The following DIO1 variants were observed in gnomAD, a reference collection of about 807,000 sequenced individuals.
The protein encoded by DIO1 is type I iodothyronine deiodinase.
Under a neutral mutation model 25.9 loss-of-function variants are expected in DIO1, and 17 were observed. The observed-to-expected ratio is 0.66, with a 90% confidence interval of 0.45 to 0.98. The LOEUF (loss-of-function observed/expected upper bound fraction) is 0.98. Ranked by LOEUF, DIO1 falls within the 50% of genes least tolerant of loss-of-function variation. The pLI is 0.00. For synonymous variants in DIO1, 115 were observed against 114.0 expected (o/e 1.01, Z -0.05); for missense variants, 270 against 310.4 (o/e 0.87, Z 0.98).
intron 2 of DIO1, among the ~76,000 whole-genome samples, chr1:53,905,426 C>T (rs138753711): frequency 6.6e-4 from 101 of 152,236 alleles, no homozygotes; most frequent in African/African-American, 2.2e-3. Context: ...CTGCCCACCT[C>T]GGCCTCCCAA....
chr1:53,901,011 T>C (rs866423606), intron 1 of DIO1, among the ~76,000 whole-genome samples: 23 of 139,088 alleles, frequency 1.7e-4, no homozygotes, highest in African/African-American at 5.2e-4. Context: ...TTTTTTTTTT[T>C]CAGAGATAAG....
At chr1:53,895,344 A>G (rs1038851058) in intron 1 of DIO1, among the ~76,000 whole-genome samples, 4 of 152,030 alleles carry the variant, frequency 2.6e-5, no homozygotes, top group African/African-American at 9.6e-5. Flanking sequence ...AATCTCTTGA[A>G]CCCCGGTGGC....
At chr1:53,902,535 T>G (rs1463797649) in intron 1 of DIO1, among the ~76,000 whole-genome samples, 4 of 151,740 alleles carry the variant, frequency 2.6e-5, no homozygotes, top group Non-Finnish European at 5.9e-5. Context: ...GGCCCTGCCC[T>G]CAGGGGACAA....
chr1:53,902,997 T>TTCCACAGCCTCCCTGACC (rs1651447480), intron 1 of DIO1: 2 of 150,624 alleles, frequency 1.3e-5, no homozygotes, highest in African/African-American at 2.5e-5. Context: ...GGCTCCTGCC[T>TTCCACAGCCTCCCTGACC]TCCACAGCCT....
At chr1:53,895,049 T>C (rs1263398996) in intron 1 of DIO1, among the ~76,000 whole-genome samples, 1 of 152,198 alleles carries the variant, frequency 6.6e-6, no homozygotes. Flanking sequence ...GCAAACTCAA[T>C]GCAGGTCGAG....
intron 1 of DIO1, among the ~76,000 whole-genome samples, chr1:53,896,210 CTTTTTTTTT>C (rs199555423): frequency 9.7e-6 from 1 of 103,578 alleles, no homozygotes; most frequent in Admixed American, 1.1e-4. Flanking sequence ...TTCTTTTTCT[CTTTTTTTTT>C]TTTTTTTTTT....
Position 53,901,904 on chromosome 1 carries a change from A to G in DIO1, c.338-2762A>G, listed in dbSNP as rs530470769. Reference sequence around the variant, plus strand: ...ATAACAAGATCTCATCTCTCAAAAAAAAAAAAAAATGAAAAAGAAAATATG... The same window carrying G: ...ATAACAAGATCTCATCTCTCAAAAAGAAAAAAAAATGAAAAAGAAAATATG... On this transcript the variant is annotated intron_variant, in intron 1 of 3. Transcript: ENST00000361921. Among the ~76,000 whole-genome samples the G allele has an allele frequency of 3.6e-3, 546 of 152,244 alleles. 3 individuals carry two copies. The highest frequency in any genetic ancestry group is 0.012 in the African/African-American group (513 of 41,548).
chr1:53,910,068 C>A lies in DIO1; in HGVS notation c.*69C>A. On this transcript the variant is annotated 3_prime_UTR_variant, in exon 4 of 4. Transcript: ENST00000361921. ...CTCAAGGCTTAGCTCTCCCTGAGAC[C>A]CAGCTGGCTTTTACCCTTGACCTGT... The A allele has an allele frequency of 7.0e-7, 1 of 1,426,074 alleles. No homozygotes were observed. Among genetic ancestry groups the A allele is most frequent in the South Asian group, 1.1e-5 (1 of 87,214 alleles). 88.3% of individuals were successfully genotyped at this position (1,426,074 alleles called of 1,614,324 possible).
rs145494740 is a variant in DIO1 at position 53,909,582 on chromosome 1, A to G, written c.682-349A>G. On this transcript the variant is annotated intron_variant, in intron 3 of 3. Transcript: ENST00000361921. ...GGAGAGGCAGAGATGGTTCTGAGGT[A>G]GGATGGGTAGAACTTGATGTGAAGG... Among the ~76,000 whole-genome samples, 3 of 152,344 alleles carry G rather than the reference A, an allele frequency of 2.0e-5. No individual in the cohort carries two copies. In the East Asian group the frequency reaches 5.8e-4, roughly 29 times the overall value.
intron 1 of DIO1, among the ~76,000 whole-genome samples, chr1:53,902,720 C>G (rs1651430610): frequency 6.6e-6 from 1 of 151,894 alleles, no homozygotes; most frequent in South Asian, 2.1e-4. Context: ...TGGGGAGTTA[C>G]AGAAGGCTTC....
chr1:53,905,947 A>G, intron 2 of DIO1, 148 bp from the exon 3 acceptor site: 1 of 697,868 alleles, frequency 1.4e-6, no homozygotes, highest in South Asian at 1.9e-5. Flanking sequence ...TCCTGACGTG[A>G]CCTTGCACAT....
At chr1:53,898,296 C>T (rs1416577160) in intron 1 of DIO1, among the ~76,000 whole-genome samples, 1 of 152,034 alleles carries the variant, frequency 6.6e-6, no homozygotes, top group Admixed American at 6.6e-5. Flanking sequence ...GTCCCAGAGG[C>T]AGGAAGGGGT....
At chr1:53,904,568 A>G (rs1403213855) in intron 1 of DIO1, 98 bp from the exon 2 acceptor site, 19 of 1,455,190 alleles carry the variant, frequency 1.3e-5, no homozygotes, top group South Asian at 6.6e-5. Flanking sequence ...GGGTAGGGGG[A>G]AATAAAAATA....
intron 3 of DIO1, among the ~76,000 whole-genome samples, chr1:53,909,232 G>A (rs771347144): frequency 2.7e-4 from 41 of 150,448 alleles, no homozygotes; most frequent in Admixed American, 8.6e-4. Flanking sequence ...CCTAGCCCAC[G>A]TGGCGAAACC....
chr1:53,902,183 A>G (rs1409811051), intron 1 of DIO1, among the ~76,000 whole-genome samples: 4 of 151,312 alleles, frequency 2.6e-5, no homozygotes, highest in Non-Finnish European at 5.9e-5. Context: ...CCCTTTTCCC[A>G]TGGCTGGTTC....
At chr1:53,900,760 T>A (rs1651316344) in intron 1 of DIO1, among the ~76,000 whole-genome samples, 1 of 152,054 alleles carries the variant, frequency 6.6e-6, no homozygotes, top group African/African-American at 2.4e-5. Context: ...CCCTGTCAAT[T>A]CTGCCTTCTC....
chr1:53,898,658 T>C (rs1176684548), intron 1 of DIO1, among the ~76,000 whole-genome samples: 3 of 150,954 alleles, frequency 2.0e-5, no homozygotes, highest in Non-Finnish European at 4.4e-5. Context: ...GGCAGGAGAA[T>C]TGCTTGAACC....
intron 2 of DIO1, 30 bp from the exon 3 acceptor site, chr1:53,906,065 G>C: frequency 6.2e-7 from 1 of 1,609,406 alleles, no homozygotes; most frequent in Non-Finnish European, 8.5e-7. Context: ...CTGTGTCAAT[G>C]GGACTCGGTG....
chr1:53,904,612 G>C, intron 1 of DIO1, 54 bp from the exon 2 acceptor site: 1 of 1,585,540 alleles, frequency 6.3e-7, no homozygotes, highest in Non-Finnish European at 8.6e-7. Flanking sequence ...AATGGTGCTT[G>C]TAAAAGAAAG....
Sources: allele counts gnomAD v4.1 joint callset (sites outside exome capture counted in the v4.1 genomes callset), GRCh38; gene constraint gnomAD v4.1.1; transcripts MANE v1.5; gene names NCBI Gene and HGNC (gene_info 2026-07-23, HGNC 2026-07-21).